CENPP: variants seen among roughly 807,000 people sequenced by gnomAD.
CENPP encodes centromere protein P.
In CENPP, 24 loss-of-function variants were observed where a neutral mutation model predicts 35.6. That is an observed-to-expected ratio of 0.67 (90% confidence interval 0.49 to 0.95). The LOEUF is 0.95. Among genes scored for constraint, CENPP ranks in the 40% least tolerant of loss-of-function variants. The pLI is 0.00. For missense variants in CENPP, 332 were observed against 345.3 expected, an observed-to-expected ratio of 0.96 and a Z score of 0.31; for synonymous variants, 120 against 125.5, an observed-to-expected ratio of 0.96 and a Z score of 0.29.
intron 5 of CENPP, among the ~76,000 whole-genome samples, chr9:92,533,889 T>C (rs1849010199): frequency 6.6e-6 from 1 of 152,146 alleles, no homozygotes; most frequent in African/African-American, 2.4e-5. Flanking sequence ...TTCTCATCCC[T>C]TTGTAAGAAA....
At chr9:92,535,933 C>G (rs1376722686) in intron 5 of CENPP, 1 of 471,464 alleles carries the variant, frequency 2.1e-6, no homozygotes, top group Non-Finnish European at 4.0e-6. Flanking sequence ...ACTTTTTTAC[C>G]TGGAGATCTA....
intron 5 of CENPP, chr9:92,417,385 A>G (rs1238954627): frequency 6.2e-7 from 1 of 1,614,144 alleles, no homozygotes; most frequent in Non-Finnish European, 8.5e-7. Flanking sequence ...AGCCTAAAGT[A>G]TACTGATGAA....
intron 5 of CENPP, among the ~76,000 whole-genome samples, chr9:92,557,817 A>G (rs1355612627): frequency 6.6e-6 from 1 of 151,652 alleles, no homozygotes; most frequent in Non-Finnish European, 1.5e-5. Flanking sequence ...TAATTTTTGT[A>G]TTTTTTTAGT....
At chr9:92,518,166 C>A (rs1409838895) in intron 5 of CENPP, among the ~76,000 whole-genome samples, 1 of 152,194 alleles carries the variant, frequency 6.6e-6, no homozygotes, top group Non-Finnish European at 1.5e-5. Context: ...AATTATACAA[C>A]ATCAACAAAC....
rs200578134 is a variant in CENPP at position 92,417,318 on chromosome 9, G to A, written c.564+37459G>A. 1.2e-5 allele frequency: 20 copies of A among 1,613,994 alleles called. No individual in the cohort carries two copies. Among genetic ancestry groups the A allele is most frequent in the Admixed American group, 5.0e-5 (3 of 60,006 alleles). On this transcript the variant is annotated intron_variant, in intron 5 of 7. Transcript: ENST00000375587. ...ATATTTGGGATAGTCTTGAGTTTGC[G>A]ATTATCACAGTACATTGATGATGGA...
chr9:92,528,650 G>A (rs1848562978), intron 5 of CENPP, among the ~76,000 whole-genome samples: 1 of 152,184 alleles, frequency 6.6e-6, no homozygotes, highest in African/African-American at 2.4e-5. Flanking sequence ...AATTCACAGG[G>A]CATCTGGTAG....
chr9:92,370,155 G>A (rs1245567979), intron 4 of CENPP, among the ~76,000 whole-genome samples: 1 of 151,992 alleles, frequency 6.6e-6, no homozygotes, highest in East Asian at 1.9e-4. Context: ...TGCATCCTTG[G>A]TATAAATTAC....
chr9:92,612,887 A>T, intron 7 of CENPP, 132 bp from the exon 8 acceptor site: 1 of 1,086,928 alleles, frequency 9.2e-7, no homozygotes, highest in South Asian at 1.5e-5. Flanking sequence ...CTCGCCCGCC[A>T]CTAGCATGTC....
chr9:92,341,059 A>C (rs1841099615), intron 3 of CENPP, among the ~76,000 whole-genome samples: 1 of 152,154 alleles, frequency 6.6e-6, no homozygotes, highest in Admixed American at 6.5e-5. Context: ...GATTATAAAC[A>C]GCCCCCCCAG....
intron 5 of CENPP, among the ~76,000 whole-genome samples, chr9:92,577,775 C>T (rs1263622146): frequency 6.6e-6 from 1 of 151,264 alleles, no homozygotes; most frequent in African/African-American, 2.4e-5. Flanking sequence ...CACAGGGAGA[C>T]CCTATCTTTT....
Position 92,356,104 on chromosome 9 carries a change from T to C in CENPP, c.467+10317T>C, listed in dbSNP as rs143892906. Among the ~76,000 whole-genome samples the C allele has an allele frequency of 7.9e-5, 12 of 152,316 alleles. No homozygotes were observed. In the South Asian group the frequency reaches 1.0e-3, roughly 13 times the overall value. On this transcript the variant is annotated intron_variant, in intron 4 of 7. Transcript: ENST00000375587. ...TTGATTAGTTTGGTATTTAAAAATA[T>C]ATGGAAGTAAACTAAAAATAACTAC...
intron 1 of CENPP, among the ~76,000 whole-genome samples, chr9:92,326,532 TA>T (rs933754268): frequency 3.3e-5 from 5 of 152,140 alleles, no homozygotes; most frequent in African/African-American, 1.2e-4. Flanking sequence ...ATAACTTCGG[TA>T]AAAAACTAAG....
At chr9:92,438,313 A>G (rs1588129765) in intron 5 of CENPP, among the ~76,000 whole-genome samples, 1 of 152,168 alleles carries the variant, frequency 6.6e-6, no homozygotes, top group African/African-American at 2.4e-5. Context: ...GCATGTGAAT[A>G]TCCAATTGTC....
chr9:92,415,543 T>A, intron 5 of CENPP: 1 of 847,606 alleles, frequency 1.2e-6, no homozygotes, highest in Non-Finnish European at 1.7e-6. Context: ...GCCATAATTC[T>A]ATGTTAGATT....
chr9:92,515,660 G>A (rs1014158806), intron 5 of CENPP, among the ~76,000 whole-genome samples: 3 of 152,170 alleles, frequency 2.0e-5, no homozygotes, highest in Admixed American at 1.3e-4. Flanking sequence ...TGAAACAGGT[G>A]TATATTTTAC....
intron 5 of CENPP, among the ~76,000 whole-genome samples, chr9:92,580,691 C>T (rs1331529773): frequency 6.7e-6 from 1 of 148,734 alleles, no homozygotes; most frequent in Admixed American, 6.8e-5. Flanking sequence ...ATTCTTCTCT[C>T]TTTTTTTCTT....
At chr9:92,457,283 A>G (rs748649282) in intron 5 of CENPP, 6 of 1,612,218 alleles carry the variant, frequency 3.7e-6, no homozygotes, top group South Asian at 3.3e-5. Flanking sequence ...ACCAATTACT[A>G]ATTATTACAT....
chr9:92,528,783 A>G (rs1260030305), intron 5 of CENPP, among the ~76,000 whole-genome samples: 1 of 152,210 alleles, frequency 6.6e-6, no homozygotes, highest in African/African-American at 2.4e-5. Context: ...TGCGTACAAT[A>G]ACTTGACAGT....
Position 92,480,045 on chromosome 9 carries a change from T to G in CENPP, c.564+100186T>G, listed in dbSNP as rs1052978381. 9.9e-5 allele frequency among the ~76,000 whole-genome samples: 15 copies of G among 152,230 alleles called. 2 individuals are homozygous for G. ...TTTGGCTGTTTTATTTTGAGTTTAT[T>G]AATGAGGTACAACCTCTGTTTTATT... On this transcript the variant is annotated intron_variant, in intron 5 of 7. Transcript: ENST00000375587.
Sources: gnomAD v4.1 joint callset for allele counts (sites outside exome capture counted in the v4.1 genomes callset) on GRCh38, gnomAD v4.1.1 for gene constraint, MANE v1.5 for transcripts, NCBI Gene and HGNC (gene_info 2026-07-23, HGNC 2026-07-21) for gene names.